Variants in TFB1M observed in about 807,000 individuals in gnomAD.
TFB1M encodes the protein dimethyladenosine transferase 1, mitochondrial.
TFB1M carries 27 observed loss-of-function variants against 31.1 expected under a neutral mutation model. The ratio of observed to expected loss-of-function variants is 0.87; its 90% CI spans 0.64 to 1.20. TFB1M has a LOEUF of 1.20. Ranked by LOEUF, TFB1M falls within the 50% of genes most tolerant of loss-of-function variation. TFB1M has a pLI of 0.00. For synonymous variants in TFB1M, 166 were observed against 151.8 expected, an observed-to-expected ratio of 1.09 and a Z score of -0.69; for missense variants, 394 against 418.7, an observed-to-expected ratio of 0.94 and a Z score of 0.51.
chr6:155,279,535 T>C (rs952170603), intron 5 of TFB1M, among the ~76,000 whole-genome samples: 1 of 152,206 alleles, frequency 6.6e-6, no homozygotes, highest in African/African-American at 2.4e-5. Flanking sequence ...CTAGGGTAGT[T>C]AGACAGAAGT....
At chr6:155,297,284 T>G (rs1242884545) in intron 3 of TFB1M, among the ~76,000 whole-genome samples, 180 bp from the exon 4 acceptor site, 1 of 152,226 alleles carries the variant, frequency 6.6e-6, no homozygotes, top group Non-Finnish European at 1.5e-5. Context: ...CAATCTGCTT[T>G]GGATTATTGA....
chr6:155,294,352 T>C (rs1352053447), intron 4 of TFB1M, among the ~76,000 whole-genome samples: 3 of 152,190 alleles, frequency 2.0e-5, no homozygotes, highest in Non-Finnish European at 4.4e-5. Context: ...ATGCTTGCTC[T>C]TCAAAAGACA....
the TFB1M span, among the ~76,000 whole-genome samples, chr6:155,241,827 C>G: frequency 2.0e-5 from 3 of 152,150 alleles, no homozygotes; most frequent in Non-Finnish European, 2.9e-5. Context: ...AATCCCATCT[C>G]CACAGTCACC....
chr6:155,311,846 T>C (rs547703593), intron 1 of TFB1M, among the ~76,000 whole-genome samples: 1 of 152,342 alleles, frequency 6.6e-6, no homozygotes, highest in Middle Eastern at 3.4e-3. Flanking sequence ...ACTATGGCAA[T>C]GGCAATAAGT....
At chr6:155,260,464 A>G in intron 5 of TFB1M, 64 bp from the exon 6 acceptor site, 1 of 1,607,960 alleles carries the variant, frequency 6.2e-7, no homozygotes, top group Non-Finnish European at 8.5e-7. Context: ...TGATCAATCA[A>G]CTCATCCTTG....
At chr6:155,274,966 C>A (rs1359676265) in intron 5 of TFB1M, among the ~76,000 whole-genome samples, 1 of 152,164 alleles carries the variant, frequency 6.6e-6, no homozygotes, top group Non-Finnish European at 1.5e-5. Context: ...CGCCTGTAAT[C>A]CCAGCACTTC....
chr6:155,261,906 A>G (rs1406563181), intron 5 of TFB1M, among the ~76,000 whole-genome samples: 1 of 152,252 alleles, frequency 6.6e-6, no homozygotes, highest in Non-Finnish European at 1.5e-5. Flanking sequence ...CTATGGTGGA[A>G]CAGTAGTTAT....
At chr6:155,255,318 A>C (rs1054410645), downstream of TFB1M, 2 of 152,214 alleles carry the variant, frequency 1.3e-5, no homozygotes, top group African/African-American at 4.8e-5. Flanking sequence ...ATAGGGCACC[A>C]AGTAAGCATT....
At chr6:155,266,825 C>T (rs1400072797) in intron 5 of TFB1M, among the ~76,000 whole-genome samples, 12 of 106,684 alleles carry the variant, frequency 1.1e-4, no homozygotes, top group East Asian at 6.4e-4. Flanking sequence ...CCAGGGTGGG[C>T]GACAGAGCGA....
At position 155,260,083 on chromosome 6, in the gene TFB1M, G is replaced by A. The variant is rs549350336; in HGVS notation, c.794+190C>T. On this transcript the variant is annotated intron_variant, in intron 6 of 6. Transcript: ENST00000367166. ...GCTGCGCTTATGTTTAAGCCACCCT[G>A]AGAGAGGCCACCTGAGGTCTAGCAA... is the stretch of plus-strand genomic sequence containing the variant. Among the ~76,000 whole-genome samples the A allele has an allele frequency of 7.2e-5, 11 of 152,352 alleles. No homozygotes were observed. In the South Asian group the frequency reaches 2.3e-3, roughly 32 times the overall value.
chr6:155,298,256 TTTG>T, intron 3 of TFB1M, among the ~76,000 whole-genome samples: 1 of 152,244 alleles, frequency 6.6e-6, no homozygotes, highest in Middle Eastern at 3.4e-3. Flanking sequence ...ATACAAAACA[TTTG>T]GAAATGAGAC....
In TFB1M at chr6:155,276,930, T is replaced by C. The variant is rs1228371319; in HGVS notation, c.666+8228A>G. On this transcript the variant is annotated intron_variant, in intron 5 of 6. Transcript: ENST00000367166. Reference sequence around the variant, plus strand: ...CTGTGACCAGCCCATTTCTTTTTCATTTTAGAAAACTATCTACATATATTT... The same window carrying C: ...CTGTGACCAGCCCATTTCTTTTTCACTTTAGAAAACTATCTACATATATTT... Among the ~76,000 whole-genome samples the C allele has an allele frequency of 2.6e-5, 4 of 152,238 alleles. No homozygotes were observed. The East Asian group carries it at 7.7e-4, about 29-fold the overall frequency.
intron 5 of TFB1M, among the ~76,000 whole-genome samples, chr6:155,280,145 G>C (rs893539017): frequency 2.0e-5 from 3 of 152,098 alleles, no homozygotes; most frequent in Non-Finnish European, 4.4e-5. Context: ...ATGAAACTTA[G>C]TTTAGAACTT....
At chr6:155,249,197 A>G in the TFB1M span, among the ~76,000 whole-genome samples, 1 of 152,204 alleles carries the variant, frequency 6.6e-6, no homozygotes, top group Non-Finnish European at 1.5e-5. Flanking sequence ...AGTGACCTAA[A>G]ATTTTGCTTT....
At chr6:155,314,093 G>A (rs1282175881) in intron 1 of TFB1M, 6 of 1,453,606 alleles carry the variant, frequency 4.1e-6, no homozygotes, top group Middle Eastern at 2.5e-4. Context: ...CCCGAACGCG[G>A]AGTTTTGTGA....
chr6:155,230,840 T>G, the TFB1M span, among the ~76,000 whole-genome samples: 1 of 151,358 alleles, frequency 6.6e-6, no homozygotes, highest in African/African-American at 2.4e-5. Context: ...GAGCTACTTT[T>G]TTTTTTTTTT....
chr6:155,257,057 A>AGAG lies in TFB1M; in HGVS notation c.*776_*778dup, dbSNP rs1784097693. The AGAG allele has an allele frequency of 3.1e-6, 5 of 1,614,244 alleles. No individual in the cohort carries two copies. In the East Asian group the frequency reaches 1.1e-4, roughly 36 times the overall value. On this transcript the variant is annotated 3_prime_UTR_variant, in exon 7 of 7. Coordinates refer to ENST00000367166, the MANE Select transcript of TFB1M (RefSeq NM_016020.4). Reference sequence around the variant, plus strand: ...GTTCTAGAGCGAGAATTCAGTGTCCAGAGTTTAACATCTGTTGTCAGTGAG... The same window carrying AGAG: ...GTTCTAGAGCGAGAATTCAGTGTCCAGAGGAGTTTAACATCTGTTGTCAGTGAG...
the TFB1M span, among the ~76,000 whole-genome samples, chr6:155,232,079 T>TCAAAAA: frequency 3.5e-5 from 5 of 140,918 alleles, no homozygotes; most frequent in South Asian, 2.3e-4. Context: ...AGACTCTGTC[T>TCAAAAA]CAAAAACAAA....
rs1463080601 is a variant in TFB1M at position 155,284,210 on chromosome 6, A to G, written c.666+948T>C. Among the ~76,000 whole-genome samples the G allele has an allele frequency of 2.0e-5, 3 of 152,374 alleles. No individual in the cohort carries two copies. The South Asian group carries it at 6.2e-4, about 32-fold the overall frequency. ...GAGATCACTTAGGCGTCTTCAAGAC[A>G]GACAAGTAGATCTAACACTATTGGT... On this transcript the variant is annotated intron_variant, in intron 5 of 6. Coordinates refer to ENST00000367166, the MANE Select transcript of TFB1M (RefSeq NM_016020.4).
Sources: allele counts gnomAD v4.1 joint callset (sites outside exome capture counted in the v4.1 genomes callset), GRCh38; gene constraint gnomAD v4.1.1; transcripts MANE v1.5; gene names NCBI Gene and HGNC (gene_info 2026-07-23, HGNC 2026-07-21).